Variants in OSBPL10 observed in about 807,000 individuals in gnomAD.
The protein encoded by OSBPL10 is oxysterol-binding protein-related protein 10.
Under a neutral mutation model 81.7 loss-of-function variants are expected in OSBPL10, and 49 were observed. That is an observed-to-expected ratio of 0.60 (90% CI 0.48 to 0.76). OSBPL10 has a LOEUF of 0.76. Among genes scored for constraint, OSBPL10 ranks in the 30% least tolerant of loss-of-function variants. The pLI is 0.00. For missense variants in OSBPL10, 923 were observed against 987.8 expected (o/e 0.93, Z 0.88); for synonymous variants, 419 against 383.6 (o/e 1.09, Z -1.08).
At position 31,980,977 on chromosome 3, in the gene OSBPL10, C is replaced by G. The variant is rs1480761708; in HGVS notation, c.203G>C (p.Gly68Ala). The G allele has an allele frequency of 1.7e-5, 27 of 1,560,808 alleles. No individual in the cohort carries two copies. Among genetic ancestry groups the G allele is most frequent in the Non-Finnish European group, 2.2e-5 (26 of 1,158,756 alleles). Residue 68 changes from glycine (G) to alanine (A), a missense_variant, in exon 1 of 12, where the codon GGA becomes GCA. Physicochemically the swap from Gly to Ala is moderately conservative, Grantham distance 60. Coordinates refer to ENST00000396556, the MANE Select transcript of OSBPL10 (RefSeq NM_017784.5). The stretch of plus-strand genomic sequence containing the variant: ...CGCCGGCTCCCTCCTGCGGCCGCCT[C>G]CCCCGGACGGGCTAGCGGCCACAGA... The part of the protein sequence containing the change: ...PGSVAASPSG[G>A]GGRRREPALE...
At chr3:31,707,822 A>C (rs756171926) in intron 6 of OSBPL10, among the ~76,000 whole-genome samples, 1 of 152,212 alleles carries the variant, frequency 6.6e-6, no homozygotes, top group Non-Finnish European at 1.5e-5. Flanking sequence ...AATGGCCACC[A>C]GGGCAAGTGT....
At chr3:31,814,195 G>A (rs1699776687) in intron 4 of OSBPL10, among the ~76,000 whole-genome samples, 1 of 152,224 alleles carries the variant, frequency 6.6e-6, no homozygotes, top group African/African-American at 2.4e-5. Context: ...AACAGTGACA[G>A]CTGACCAGTT....
chr3:31,709,162 G>T, intron 6 of OSBPL10: 1 of 447,968 alleles, frequency 2.2e-6, no homozygotes, highest in Non-Finnish European at 3.0e-6. Flanking sequence ...CAGCAAGCTA[G>T]TCCCAGCTGC....
chr3:32,003,190 C>T (rs1490483273), intron 2 of OSBPL10, among the ~76,000 whole-genome samples: 6 of 152,182 alleles, frequency 3.9e-5, no homozygotes, highest in East Asian at 3.9e-4. Context: ...TGGAGGACTG[C>T]GTAACACTTA....
chr3:31,699,044 T>C (rs1300118852), intron 7 of OSBPL10, among the ~76,000 whole-genome samples: 2 of 152,216 alleles, frequency 1.3e-5, no homozygotes, highest in Admixed American at 6.5e-5. Context: ...GCTCAACAAA[T>C]ACATGTTACA....
At chr3:31,724,017 T>C (rs998894645) in intron 6 of OSBPL10, among the ~76,000 whole-genome samples, 12 of 152,120 alleles carry the variant, frequency 7.9e-5, no homozygotes, top group African/African-American at 2.2e-4. Context: ...GTTTAGAGGG[T>C]GAGACTAAAT....
chr3:32,058,972 T>A (rs1699734688), intron 1 of OSBPL10, among the ~76,000 whole-genome samples: 2 of 152,198 alleles, frequency 1.3e-5, no homozygotes, highest in Admixed American at 1.3e-4. Flanking sequence ...TACAAGCATG[T>A]GCCACCATGC....
At chr3:31,994,275 G>T (rs966955847) in intron 2 of OSBPL10, among the ~76,000 whole-genome samples, 1 of 152,334 alleles carries the variant, frequency 6.6e-6, no homozygotes, top group Non-Finnish European at 1.5e-5. Flanking sequence ...GTATTTGAAC[G>T]TGGGTGGAGT....
intron 4 of OSBPL10, among the ~76,000 whole-genome samples, chr3:31,805,239 CAT>C (rs1447188699): frequency 6.6e-6 from 1 of 152,148 alleles, no homozygotes; most frequent in Admixed American, 6.5e-5. Flanking sequence ...CAACACATTA[CAT>C]ATGTTAACCC....
intron 1 of OSBPL10, among the ~76,000 whole-genome samples, chr3:31,910,808 C>T (rs143066906): frequency 6.6e-6 from 1 of 152,290 alleles, no homozygotes; most frequent in Non-Finnish European, 1.5e-5. Context: ...TAACCAAATC[C>T]ATGAGTCTCC....
At position 31,709,702 on chromosome 3, in the gene OSBPL10, G is replaced by C. The variant is rs376769601; in HGVS notation, c.1096-7194C>G. On this transcript the variant is annotated intron_variant, in intron 6 of 11. Transcript: ENST00000396556. ...TTTTGCAGCTGAGCTTTTGGAGCGTGCCAGTATGAATACCAACTGCCAGCG... is the reference window on the plus strand; with the variant it reads ...TTTTGCAGCTGAGCTTTTGGAGCGTCCCAGTATGAATACCAACTGCCAGCG... Among the ~76,000 whole-genome samples, 211 of 152,306 alleles carry C rather than the reference G, an allele frequency of 1.4e-3. 1 individual carries two copies. Among genetic ancestry groups the C allele is most frequent in the African/African-American group, 4.8e-3 (199 of 41,564 alleles).
At chr3:32,053,239 C>T (rs4955131) in intron 1 of OSBPL10, among the ~76,000 whole-genome samples, 116,498 of 152,200 alleles carry the variant, frequency 0.77, 45,256 homozygotes, top group East Asian at 1. Flanking sequence ...GAAAGTGAAA[C>T]GTCCTTTTGG....
At chr3:31,954,835 C>A (rs1381286915) in intron 1 of OSBPL10, among the ~76,000 whole-genome samples, 1 of 152,128 alleles carries the variant, frequency 6.6e-6, no homozygotes, top group African/African-American at 2.4e-5. Context: ...ATATTTATGA[C>A]TATACTAATG....
At chr3:31,965,174 C>T (rs59297058) in intron 1 of OSBPL10, among the ~76,000 whole-genome samples, 6 of 151,248 alleles carry the variant, frequency 4.0e-5, no homozygotes, top group Non-Finnish European at 8.8e-5. Context: ...TTGTGACCAT[C>T]CTGGCTAACA....
At chr3:32,045,367 A>G (rs527546925) in intron 2 of OSBPL10, among the ~76,000 whole-genome samples, 81 of 152,334 alleles carry the variant, frequency 5.3e-4, no homozygotes, top group African/African-American at 1.9e-3. Context: ...AGCAGCTGTT[A>G]CGGTGATTAT....
chr3:31,968,382 CACT>C (rs1052920513), intron 1 of OSBPL10, among the ~76,000 whole-genome samples: 3 of 151,908 alleles, frequency 2.0e-5, no homozygotes, highest in African/African-American at 7.3e-5. Flanking sequence ...ATACCAATAA[CACT>C]ACAATGCTGG....
chr3:31,967,046 C>G (rs1259330536), intron 1 of OSBPL10, among the ~76,000 whole-genome samples: 1 of 151,306 alleles, frequency 6.6e-6, no homozygotes, highest in Non-Finnish European at 1.5e-5. Flanking sequence ...ACACATTTTA[C>G]TACACAAATA....
intron 7 of OSBPL10, among the ~76,000 whole-genome samples, chr3:31,697,009 T>C (rs1052988060): frequency 1.2e-4 from 18 of 152,350 alleles, no homozygotes; most frequent in African/African-American, 3.4e-4. Context: ...GTTACACTGA[T>C]GACTTCCAAT....
In OSBPL10 at chr3:32,074,970, G is replaced by A. The variant is rs577679259; in HGVS notation, n.185+2426C>T. Among the ~76,000 whole-genome samples, 10 of 152,282 alleles carry A rather than the reference G, an allele frequency of 6.6e-5. No individual in the cohort carries two copies. In the South Asian group the frequency reaches 1.7e-3, roughly 25 times the overall value. ...TACCCCCAAAATCCAGTTTGCAGAT[G>A]GGAATGAACAACTGCGGGTCCCCCT... On this transcript the variant is annotated intron_variant and non_coding_transcript_variant, in intron 1 of 3. Transcript: ENST00000479173.
Sources: gnomAD v4.1 joint callset for allele counts (sites outside exome capture counted in the v4.1 genomes callset) on GRCh38, gnomAD v4.1.1 for gene constraint, MANE v1.5 for transcripts, NCBI Gene and HGNC (gene_info 2026-07-23, HGNC 2026-07-21) for gene names.